The following GRIK3 variants were observed in gnomAD, a reference collection of about 807,000 sequenced individuals.
GRIK3 encodes glutamate ionotropic receptor kainate type subunit 3, also known as glutamate receptor ionotropic, kainate 3.
A neutral mutation model predicts 102.5 loss-of-function variants in GRIK3; 29 were observed. The ratio of observed to expected loss-of-function variants is 0.28; its 90% CI spans 0.21 to 0.39. The LOEUF (loss-of-function observed/expected upper bound fraction) is 0.39. Among genes scored for constraint, GRIK3 ranks in the 10% least tolerant of loss-of-function variants. GRIK3 has a pLI of 1.00. For missense variants in GRIK3, 908 were observed against 1,252.4 expected (o/e 0.73, Z 4.15); for synonymous variants, 511 against 504.9 (o/e 1.01, Z -0.16).
intron 11 of GRIK3, among the ~76,000 whole-genome samples, chr1:36,821,980 T>C (rs966686481): frequency 2.0e-5 from 3 of 152,256 alleles, no homozygotes; most frequent in African/African-American, 7.2e-5. Flanking sequence ...AACTTGGTTT[T>C]TCATTTAATG....
chr1:37,000,840 C>T (rs895260527), intron 1 of GRIK3, among the ~76,000 whole-genome samples: 9 of 152,166 alleles, frequency 5.9e-5, no homozygotes, highest in East Asian at 1.9e-4. Flanking sequence ...AAAACAGCAG[C>T]GCAGATCCAA....
chr1:36,828,264 TTGACG>T (rs1642777853), intron 10 of GRIK3, among the ~76,000 whole-genome samples: 1 of 152,114 alleles, frequency 6.6e-6, no homozygotes, highest in South Asian at 2.1e-4. Flanking sequence ...CTCTGTAATG[TTGACG>T]TGAGAGAGAT....
chr1:36,943,073 A>G (rs925093034), intron 1 of GRIK3, among the ~76,000 whole-genome samples: 1 of 152,174 alleles, frequency 6.6e-6, no homozygotes, highest in Non-Finnish European at 1.5e-5. Flanking sequence ...CATAAGGATG[A>G]CTATGGTGTC....
In GRIK3 at chr1:36,909,899, C is replaced by CT. The variant is rs545850058; in HGVS notation, c.116-18804dup. 1.2e-3 allele frequency among the ~76,000 whole-genome samples: 190 copies of CT among 152,202 alleles called. 2 individuals carry two copies. Among genetic ancestry groups the CT allele is most frequent in the African/African-American group, 4.0e-3 (164 of 41,516 alleles). On this transcript the variant is annotated intron_variant, in intron 1 of 15. Coordinates refer to ENST00000373091, the MANE Select transcript of GRIK3 (RefSeq NM_000831.4). ...ATTAGTGCCTATATTTTTTAAATTG[C>CT]TTTTTTTACCTCTAGAAACATGCCC...
chr1:36,877,752 T>A (rs1434808794), intron 3 of GRIK3, among the ~76,000 whole-genome samples: 4 of 152,158 alleles, frequency 2.6e-5, no homozygotes, highest in Admixed American at 6.5e-5. Context: ...CCTCTCCTCA[T>A]TCATCTATCC....
intron 11 of GRIK3, among the ~76,000 whole-genome samples, 192 bp from the exon 12 acceptor site, chr1:36,820,046 T>C (rs994693394): frequency 1.3e-5 from 2 of 152,230 alleles, no homozygotes; most frequent in African/African-American, 4.8e-5. Flanking sequence ...ATAAAGGTAA[T>C]TCACCAGCAT....
In GRIK3 at chr1:36,814,914, TC is replaced by T. The variant is rs1450321912; in HGVS notation, c.2091+2145del. Among the ~76,000 whole-genome samples the T allele has an allele frequency of 7.2e-5, 11 of 152,254 alleles. No homozygotes were observed. The East Asian group carries it at 2.1e-3, about 29-fold the overall frequency. ...TCACAGAGATGCATCACACATATGT[TC>T]AGCACACATACACATAGATGCAGAC... is the stretch of plus-strand genomic sequence containing the variant. On this transcript the variant is annotated intron_variant, in intron 13 of 15. Coordinates refer to ENST00000373091, the MANE Select transcript of GRIK3 (RefSeq NM_000831.4).
At chr1:37,012,021 C>T (rs1642601582) in intron 1 of GRIK3, among the ~76,000 whole-genome samples, 1 of 152,164 alleles carries the variant, frequency 6.6e-6, no homozygotes, top group Non-Finnish European at 1.5e-5. Context: ...CCAGAGATCT[C>T]CAAGTCCTGT....
At chr1:36,990,482 A>T (rs540821503) in intron 1 of GRIK3, among the ~76,000 whole-genome samples, 1 of 152,318 alleles carries the variant, frequency 6.6e-6, no homozygotes, top group East Asian at 1.9e-4. Flanking sequence ...GCAGTCTCTG[A>T]GGCTGCTGGA....
chr1:36,897,030 C>T (rs968558981), intron 1 of GRIK3, among the ~76,000 whole-genome samples: 12 of 152,148 alleles, frequency 7.9e-5, no homozygotes, highest in African/African-American at 2.7e-4. Context: ...GAATAGCCCA[C>T]AGCAAATGTC....
chr1:37,033,797 G>A (rs1642856717), intron 1 of GRIK3, among the ~76,000 whole-genome samples, 197 bp downstream of exon 1: 1 of 152,200 alleles, frequency 6.6e-6, no homozygotes, highest in East Asian at 1.9e-4. Context: ...CGGCCCGGCG[G>A]CCTCCTCCCC....
intron 1 of GRIK3, among the ~76,000 whole-genome samples, chr1:37,028,741 C>T (rs1642789846): frequency 6.6e-6 from 1 of 152,220 alleles, no homozygotes; most frequent in Non-Finnish European, 1.5e-5. Context: ...GAGGCAGGCA[C>T]ACCATACTTC....
chr1:36,984,519 C>T (rs1428984281), intron 1 of GRIK3, among the ~76,000 whole-genome samples: 1 of 152,226 alleles, frequency 6.6e-6, no homozygotes, highest in East Asian at 1.9e-4. Context: ...CTTACCCAAA[C>T]TCCAGAACTT....
At chr1:36,936,129 C>T (rs1641654946) in intron 1 of GRIK3, among the ~76,000 whole-genome samples, 1 of 152,180 alleles carries the variant, frequency 6.6e-6, no homozygotes. Flanking sequence ...CAAAGAGCAT[C>T]ATCCTCAGAC....
At chr1:36,905,298 A>G (rs1641274571) in intron 1 of GRIK3, among the ~76,000 whole-genome samples, 1 of 152,236 alleles carries the variant, frequency 6.6e-6, no homozygotes, top group Non-Finnish European at 1.5e-5. Context: ...TATTGTAAAG[A>G]TGTCATTTCT....
intron 1 of GRIK3, among the ~76,000 whole-genome samples, chr1:37,025,033 G>A (rs1461036499): frequency 6.6e-6 from 1 of 152,196 alleles, no homozygotes; most frequent in African/African-American, 2.4e-5. Context: ...GGGATCAAGA[G>A]TTGAAACTCA....
At chr1:36,886,534 G>T (rs949067263) in intron 2 of GRIK3, among the ~76,000 whole-genome samples, 1 of 152,218 alleles carries the variant, frequency 6.6e-6, no homozygotes, top group Non-Finnish European at 1.5e-5. Context: ...TGATCCAACA[G>T]CAGGAATGTG....
chr1:36,864,954 T>TCAACA (rs1640766856), intron 5 of GRIK3, among the ~76,000 whole-genome samples: 1 of 152,102 alleles, frequency 6.6e-6, no homozygotes, highest in Non-Finnish European at 1.5e-5. Flanking sequence ...CGATGCCAAA[T>TCAACA]GTTGACACAC....
At chr1:36,907,770 A>C (rs529418571) in intron 1 of GRIK3, among the ~76,000 whole-genome samples, 8 of 152,194 alleles carry the variant, frequency 5.3e-5, no homozygotes, top group Admixed American at 4.6e-4. Flanking sequence ...CAAAGGCTGA[A>C]TATCATGGGA....
Sources: allele counts gnomAD v4.1 joint callset (sites outside exome capture counted in the v4.1 genomes callset), GRCh38; gene constraint gnomAD v4.1.1; transcripts MANE v1.5; gene names NCBI Gene and HGNC (gene_info 2026-07-23, HGNC 2026-07-21).